TMEM132D: variants seen among roughly 807,000 people sequenced by gnomAD.
TMEM132D encodes the protein mature OL transmembrane protein.
Under a neutral mutation model 62.3 loss-of-function variants are expected in TMEM132D, and 21 were observed. That is an observed-to-expected ratio of 0.34 (90% CI 0.24 to 0.49). The LOEUF (loss-of-function observed/expected upper bound fraction) is 0.49. Ranked by LOEUF, TMEM132D falls within the 20% of genes least tolerant of loss-of-function variation. TMEM132D has a pLI of 0.99. For synonymous variants in TMEM132D, 621 were observed against 575.6 expected (o/e 1.08, Z -1.13); for missense variants, 1,346 against 1,402.8 (o/e 0.96, Z 0.65).
intron 3 of TMEM132D, among the ~76,000 whole-genome samples, chr12:129,349,587 A>C (rs554330100): frequency 6.6e-6 from 1 of 152,322 alleles, no homozygotes; most frequent in South Asian, 2.1e-4. Context: ...CCTGTGAACT[A>C]TGTGTCGGGA....
chr12:129,140,074 A>G (rs1161890355), intron 5 of TMEM132D, among the ~76,000 whole-genome samples: 1 of 151,836 alleles, frequency 6.6e-6, no homozygotes, highest in Non-Finnish European at 1.5e-5. Flanking sequence ...TTTTTTTAAG[A>G]TATTGTTCAC....
At chr12:129,268,366 T>C (rs1357714965) in intron 4 of TMEM132D, among the ~76,000 whole-genome samples, 1 of 152,086 alleles carries the variant, frequency 6.6e-6, no homozygotes, top group Non-Finnish European at 1.5e-5. Context: ...CATCAAAAAA[T>C]GGGCGAAGGA....
At chr12:129,786,356 A>T (rs1871247025) in intron 1 of TMEM132D, among the ~76,000 whole-genome samples, 1 of 152,168 alleles carries the variant, frequency 6.6e-6, no homozygotes, top group Non-Finnish European at 1.5e-5. Flanking sequence ...CAGTGACCCC[A>T]TAAGGCCCAG....
chr12:129,454,183 T>TACTATGCACTTAAC (rs1375424790), intron 3 of TMEM132D, among the ~76,000 whole-genome samples: 1 of 152,208 alleles, frequency 6.6e-6, no homozygotes, highest in Non-Finnish European at 1.5e-5. Flanking sequence ...GTGCACTGAA[T>TACTATGCACTTAAC]ACTATGCACT....
intron 1 of TMEM132D, among the ~76,000 whole-genome samples, chr12:129,788,629 G>T (rs1004725943): frequency 6.6e-6 from 1 of 152,284 alleles, no homozygotes; most frequent in Middle Eastern, 3.4e-3. Context: ...CTTATTTCAG[G>T]GAGGGAGAAA....
At chr12:129,482,672 T>A (rs1345872659) in intron 3 of TMEM132D, among the ~76,000 whole-genome samples, 3 of 152,092 alleles carry the variant, frequency 2.0e-5, no homozygotes, top group Non-Finnish European at 4.4e-5. Flanking sequence ...TTTAAAAAGA[T>A]CAGCATCTGA....
chr12:129,074,729 C>A lies in TMEM132D; in HGVS notation c.2446G>T (p.Val816Phe), dbSNP rs771237249. Residue 816 changes from valine (V) to phenylalanine (F), a missense_variant, in exon 9 of 9, where the codon GTT (valine) becomes TTT (phenylalanine). Physicochemically the swap from Val to Phe is conservative, Grantham distance 50. Coordinates refer to ENST00000422113, the MANE Select transcript of TMEM132D (RefSeq NM_133448.3). ...TCACTGACATTGTTTTCCATGTGAA[C>A]CCCTGCCCCTGTGTGTCTGCTGTCA... ...TSDSRHTGAGVHMENNVSDRR... is the reference protein window; with the variant it reads ...TSDSRHTGAGFHMENNVSDRR... The A allele has an allele frequency of 1.2e-6, 2 of 1,614,128 alleles. No individual in the cohort carries two copies. The highest frequency in any genetic ancestry group is 2.2e-5 in the East Asian group (1 of 44,860).
At chr12:129,171,090 C>A (rs1446538658) in intron 5 of TMEM132D, among the ~76,000 whole-genome samples, 2 of 152,200 alleles carry the variant, frequency 1.3e-5, no homozygotes, top group African/African-American at 4.8e-5. Flanking sequence ...AAATTGGAAT[C>A]ATTCCTCTCA....
intron 5 of TMEM132D, among the ~76,000 whole-genome samples, chr12:129,103,469 G>A (rs1272857350): frequency 6.6e-6 from 1 of 151,662 alleles, no homozygotes; most frequent in African/African-American, 2.4e-5. Flanking sequence ...TCCTTGGAGG[G>A]AGCCCCATCC....
chr12:129,173,363 G>C (rs945178008), intron 5 of TMEM132D, among the ~76,000 whole-genome samples: 1 of 152,188 alleles, frequency 6.6e-6, no homozygotes, highest in Non-Finnish European at 1.5e-5. Context: ...TGTACTCCCA[G>C]AAATATTTCT....
At chr12:129,410,439 A>G (rs1871934418) in intron 3 of TMEM132D, among the ~76,000 whole-genome samples, 2 of 152,162 alleles carry the variant, frequency 1.3e-5, no homozygotes. Context: ...AGCTCACTGC[A>G]ATCTTTGCCA....
intron 3 of TMEM132D, among the ~76,000 whole-genome samples, chr12:129,449,290 G>A (rs1231997523): frequency 1.3e-5 from 2 of 152,218 alleles, no homozygotes; most frequent in Non-Finnish European, 2.9e-5. Flanking sequence ...TCTTAGGAAT[G>A]CTTTGAGAAT....
At chr12:129,221,382 T>C (rs1879341835) in intron 4 of TMEM132D, among the ~76,000 whole-genome samples, 1 of 152,234 alleles carries the variant, frequency 6.6e-6, no homozygotes, top group South Asian at 2.1e-4. Context: ...AGCAAGTTTT[T>C]ATTCCAATAT....
At chr12:129,587,988 C>T (rs571068083) in intron 2 of TMEM132D, among the ~76,000 whole-genome samples, 26 of 152,246 alleles carry the variant, frequency 1.7e-4, no homozygotes, top group Admixed American at 1.0e-3. Flanking sequence ...CTGGAGACAC[C>T]GGGGAAGAGC....
intron 1 of TMEM132D, among the ~76,000 whole-genome samples, chr12:129,820,281 C>T (rs754944740): frequency 4.5e-4 from 68 of 152,162 alleles, no homozygotes; most frequent in Non-Finnish European, 8.7e-4. Flanking sequence ...TTGCAAGGCC[C>T]CTCTCCACCC....
At chr12:129,137,926 T>A (rs1876633852) in intron 5 of TMEM132D, among the ~76,000 whole-genome samples, 1 of 152,130 alleles carries the variant, frequency 6.6e-6, no homozygotes, top group Non-Finnish European at 1.5e-5. Flanking sequence ...TTGTCAGGTA[T>A]TCTGGGAAGT....
At chr12:129,709,955 C>A (rs1397241820) in intron 1 of TMEM132D, among the ~76,000 whole-genome samples, 1 of 152,124 alleles carries the variant, frequency 6.6e-6, no homozygotes, top group African/African-American at 2.4e-5. Flanking sequence ...ATTTTAAAAG[C>A]ATTTACATAT....
chr12:129,656,418 A>C (rs1271511167), intron 2 of TMEM132D, among the ~76,000 whole-genome samples: 2 of 152,190 alleles, frequency 1.3e-5, no homozygotes, highest in East Asian at 3.9e-4. Context: ...ATTATATAAC[A>C]GCTGAACTCA....
At chr12:129,458,930 C>T (rs1402934847) in intron 3 of TMEM132D, among the ~76,000 whole-genome samples, 1 of 152,190 alleles carries the variant, frequency 6.6e-6, no homozygotes, top group Non-Finnish European at 1.5e-5. Context: ...AGTCTCCACT[C>T]TCTCCATTAT....
Sources: gnomAD v4.1 joint callset for allele counts (sites outside exome capture counted in the v4.1 genomes callset) on GRCh38, gnomAD v4.1.1 for gene constraint, MANE v1.5 for transcripts, NCBI Gene and HGNC (gene_info 2026-07-23, HGNC 2026-07-21) for gene names.